Variants in TMEM161B observed in about 807,000 individuals in gnomAD.
TMEM161B encodes transmembrane protein 161B.
Under a neutral mutation model 61.8 loss-of-function variants are expected in TMEM161B, and 34 were observed. That is an observed-to-expected ratio of 0.55 (90% CI 0.42 to 0.73). The LOEUF is 0.73. Among genes scored for constraint, TMEM161B ranks in the 30% least tolerant of loss-of-function variants. The probability of loss-of-function intolerance (pLI) is 0.00; values close to 1 mark genes in which losing one functional copy is unlikely to be tolerated. For missense variants in TMEM161B, 456 were observed against 558.5 expected (o/e 0.82, Z 1.85); for synonymous variants, 167 against 192.8 (o/e 0.87, Z 1.11).
intron 1 of TMEM161B, among the ~76,000 whole-genome samples, chr5:88,251,784 A>C (rs1226027439): frequency 6.6e-6 from 1 of 152,204 alleles, no homozygotes; most frequent in East Asian, 1.9e-4. Context: ...AAAGCATATG[A>C]AAATTCAACT....
In TMEM161B at chr5:88,206,520, A is replaced by C. The variant is rs765403068; in HGVS notation, c.599-21T>G. Reference sequence around the variant, plus strand: ...AAACCCTGTGGGGGAAAAAAAAAAAAACAACAGATTACTCTTATCACAAAT... The same window carrying C: ...AAACCCTGTGGGGGAAAAAAAAAAACACAACAGATTACTCTTATCACAAAT... On this transcript the variant is annotated intron_variant, in intron 6 of 11. Transcript: ENST00000296595. 3.2e-6 allele frequency: 5 copies of C among 1,550,988 alleles called. No individual in the cohort carries two copies. In the South Asian group the frequency reaches 3.7e-5, roughly 11 times the overall value.
chr5:88,200,905 A>G (rs1272762282), intron 9 of TMEM161B: 3 of 152,026 alleles, frequency 2.0e-5, no homozygotes, highest in Non-Finnish European at 4.4e-5. Context: ...ACATTATACC[A>G]TATTTTTGCT....
At position 88,217,430 on chromosome 5, in the gene TMEM161B, A is replaced by G. The variant is rs906828705; in HGVS notation, c.446+3133T>C. ...CAGACTCAACAGAATGAGGAACCTCAATTGGACAGCTGAGAAGAAATTTGA... is the reference window on the plus strand; with the variant it reads ...CAGACTCAACAGAATGAGGAACCTCGATTGGACAGCTGAGAAGAAATTTGA... On this transcript the variant is annotated intron_variant, in intron 5 of 11. Transcript: ENST00000296595. Among the ~76,000 whole-genome samples the G allele has an allele frequency of 2.0e-4, 30 of 152,256 alleles. No individual in the cohort carries two copies. The South Asian group carries it at 2.5e-3, about 13-fold the overall frequency.
chr5:88,207,161 T>A lies in TMEM161B; in HGVS notation c.466A>T (p.Thr156Ser), dbSNP rs1476878322. Reference protein sequence around the residue: ...SFAIKVLFSLTTHYFKVEDGG... With the variant: ...SFAIKVLFSLSTHYFKVEDGG... Reference sequence around the variant, plus strand: ...TCTTCTACTTTAAAATAGTGTGTAGTTAATGAAAATAGAACTTTGCTGCAG... The same window carrying A: ...TCTTCTACTTTAAAATAGTGTGTAGATAATGAAAATAGAACTTTGCTGCAG... The change falls in exon 6 of 12, where the codon ACT becomes TCT. Residue 156 changes from threonine (T) to serine (S), a missense_variant. Physicochemically the swap from Thr to Ser is moderately conservative, Grantham distance 58 (BLOSUM62 1). Transcript: ENST00000296595. 1 of 1,608,638 alleles carries A rather than the reference T, an allele frequency of 6.2e-7. No individual in the cohort carries two copies. The highest frequency in any genetic ancestry group is 1.7e-5 in the Admixed American group (1 of 59,000).
intron 1 of TMEM161B, among the ~76,000 whole-genome samples, chr5:88,262,252 C>T (rs1026724399): frequency 1.3e-5 from 2 of 152,150 alleles, no homozygotes; most frequent in African/African-American, 4.8e-5. Flanking sequence ...AAATCCAGAA[C>T]ACTGACAACA....
chr5:88,191,979 A>T (rs1387159012), downstream of TMEM161B, among the ~76,000 whole-genome samples: 6 of 42,232 alleles, frequency 1.4e-4, no homozygotes, highest in Non-Finnish European at 2.7e-4. Context: ...AAAAAAAAAA[A>T]GTGTATATAT....
At chr5:88,236,206 A>G (rs1751822442) in intron 2 of TMEM161B, among the ~76,000 whole-genome samples, 1 of 152,196 alleles carries the variant, frequency 6.6e-6, no homozygotes, top group African/African-American at 2.4e-5. Context: ...ATCTGACCAT[A>G]ATATATTTTC....
intron 5 of TMEM161B, among the ~76,000 whole-genome samples, chr5:88,211,235 G>A (rs357518): frequency 0.86 from 130,095 of 151,584 alleles, 55,858 homozygotes; most frequent in Non-Finnish European, 0.88. Flanking sequence ...AATGAAGTTT[G>A]GGTATATAAC....
At chr5:88,240,723 A>T in intron 2 of TMEM161B, 90 bp downstream of exon 2, 1 of 1,039,312 alleles carries the variant, frequency 9.6e-7, no homozygotes, top group Non-Finnish European at 1.5e-6. Flanking sequence ...TCCTTTTGTT[A>T]AAGTTTTAGA....
chr5:88,251,651 T>G (rs1754354749), intron 1 of TMEM161B, among the ~76,000 whole-genome samples: 1 of 152,170 alleles, frequency 6.6e-6, no homozygotes, highest in South Asian at 2.1e-4. Flanking sequence ...GTCATAATTT[T>G]GCAAAGGTAG....
At chr5:88,233,244 A>C (rs574560015) in intron 2 of TMEM161B, among the ~76,000 whole-genome samples, 1 of 152,378 alleles carries the variant, frequency 6.6e-6, no homozygotes, top group South Asian at 2.1e-4. Flanking sequence ...ATAAATTGTC[A>C]TACCACATGA....
At chr5:88,213,483 C>G (rs1216959956) in intron 5 of TMEM161B, among the ~76,000 whole-genome samples, 1 of 152,086 alleles carries the variant, frequency 6.6e-6, no homozygotes, top group Non-Finnish European at 1.5e-5. Context: ...TTTCAGCCAG[C>G]CTCAACCTAA....
At chr5:88,199,244 G>T in intron 9 of TMEM161B, 94 bp from the exon 10 acceptor site, 1 of 1,276,824 alleles carries the variant, frequency 7.8e-7, no homozygotes, top group Non-Finnish European at 1.1e-6. Context: ...GATATAAGAA[G>T]TCTATACTTC....
At chr5:88,250,991 G>A (rs1754271426) in intron 1 of TMEM161B, 1 of 152,212 alleles carries the variant, frequency 6.6e-6, no homozygotes, top group African/African-American at 2.4e-5. Context: ...TGGAAGAAAT[G>A]GCTCAACTGA....
chr5:88,252,454 CAATT>C (rs1190419999), intron 1 of TMEM161B, among the ~76,000 whole-genome samples: 1 of 151,948 alleles, frequency 6.6e-6, no homozygotes, highest in East Asian at 1.9e-4. Flanking sequence ...ATATATTAAT[CAATT>C]AAAGATAAAA....
At chr5:88,246,911 G>T (rs1434063185) in intron 1 of TMEM161B, among the ~76,000 whole-genome samples, 1 of 151,866 alleles carries the variant, frequency 6.6e-6, no homozygotes, top group African/African-American at 2.4e-5. Flanking sequence ...TTTTATTAAC[G>T]CTTCAAAACA....
intron 1 of TMEM161B, among the ~76,000 whole-genome samples, chr5:88,246,306 C>T: frequency 6.6e-6 from 1 of 151,218 alleles, no homozygotes; most frequent in Non-Finnish European, 1.5e-5. Context: ...ACTTTTATAC[C>T]AATACAGGAA....
intron 1 of TMEM161B, among the ~76,000 whole-genome samples, chr5:88,254,091 T>C (rs976597033): frequency 6.6e-6 from 1 of 151,982 alleles, no homozygotes; most frequent in African/African-American, 2.4e-5. Flanking sequence ...GAGTTAAATG[T>C]GGGAATTTAA....
chr5:88,204,269 T>C (rs1745016696), intron 8 of TMEM161B, among the ~76,000 whole-genome samples: 1 of 152,088 alleles, frequency 6.6e-6, no homozygotes, highest in Admixed American at 6.5e-5. Flanking sequence ...CACACCCTTG[T>C]ATCAAGGCAG....
Sources: allele counts gnomAD v4.1 joint callset (sites outside exome capture counted in the v4.1 genomes callset), GRCh38; gene constraint gnomAD v4.1.1; transcripts MANE v1.5; gene names NCBI Gene and HGNC (gene_info 2026-07-23, HGNC 2026-07-21).